The following MIPOL1 variants were observed in gnomAD, a reference collection of about 807,000 sequenced individuals.
MIPOL1 encodes mirror-image polydactyly gene 1 protein.
Under a neutral mutation model 60.9 loss-of-function variants are expected in MIPOL1, and 57 were observed. The ratio of observed to expected loss-of-function variants is 0.94; its 90% CI spans 0.76 to 1.17. MIPOL1 has a LOEUF of 1.17. MIPOL1 is among the 50% of genes most tolerant of loss of function. The pLI is 0.00. For missense variants in MIPOL1, 551 were observed against 511.6 expected (o/e 1.08, Z -0.74); for synonymous variants, 179 against 168.8 (o/e 1.06, Z -0.47).
At chr14:37,451,485 T>A (rs2153575003) in intron 11 of MIPOL1, among the ~76,000 whole-genome samples, 1 of 152,308 alleles carries the variant, frequency 6.6e-6, no homozygotes, top group African/African-American at 2.4e-5. Context: ...TTCATATTCT[T>A]ATTATGGACA....
At chr14:37,451,968 T>C (rs1010362025) in intron 11 of MIPOL1, among the ~76,000 whole-genome samples, 12 of 150,528 alleles carry the variant, frequency 8.0e-5, no homozygotes, top group South Asian at 2.1e-4. Flanking sequence ...GCGCCCGCCA[T>C]CACGCCCGGC....
intron 12 of MIPOL1, among the ~76,000 whole-genome samples, chr14:37,535,331 A>G (rs1297096599): frequency 6.6e-6 from 1 of 152,192 alleles, no homozygotes; most frequent in Non-Finnish European, 1.5e-5. Flanking sequence ...GAATATACAC[A>G]TATCAAGTTT....
chr14:37,266,009 G>C lies in MIPOL1; in HGVS notation c.20-929G>C, dbSNP rs188755074. The stretch of plus-strand genomic sequence containing the variant: ...ACATTTATAATTAAATTTTAGAATG[G>C]AAGTCTGGAGTGTGTCAGAAATTGA... On this transcript the variant is annotated intron_variant, in intron 3 of 12. Transcript: ENST00000684589. 3.0e-3 allele frequency among the ~76,000 whole-genome samples: 462 copies of C among 152,224 alleles called. 2 individuals are homozygous for C. The Middle Eastern group carries it at 0.048, about 16-fold the overall frequency.
At chr14:37,445,730 G>C (rs2153570172) in intron 11 of MIPOL1, among the ~76,000 whole-genome samples, 1 of 151,786 alleles carries the variant, frequency 6.6e-6, no homozygotes, top group South Asian at 2.1e-4. Context: ...CAGAGATATA[G>C]ATCAATGGAA....
chr14:37,474,130 G>A (rs2094730361), intron 11 of MIPOL1, among the ~76,000 whole-genome samples: 1 of 152,016 alleles, frequency 6.6e-6, no homozygotes, highest in African/African-American at 2.4e-5. Context: ...ATATTCCATT[G>A]TACAGACACA....
intron 9 of MIPOL1, among the ~76,000 whole-genome samples, chr14:37,336,405 T>A (rs2090122599): frequency 1.3e-5 from 2 of 149,620 alleles, no homozygotes; most frequent in Non-Finnish European, 3.0e-5. Flanking sequence ...ATTATTATTA[T>A]ATAATGCCCT....
At chr14:37,261,177 A>G (rs914864687) in intron 3 of MIPOL1, among the ~76,000 whole-genome samples, 1 of 151,962 alleles carries the variant, frequency 6.6e-6, no homozygotes. Context: ...TTCTCATTGA[A>G]TTAGGTGGCA....
At chr14:37,198,656 A>T (rs576152053) in intron 1 of MIPOL1, among the ~76,000 whole-genome samples, 1 of 151,862 alleles carries the variant, frequency 6.6e-6, no homozygotes, top group Non-Finnish European at 1.5e-5. Flanking sequence ...AGCTCTATGG[A>T]TGGAGGGAAC....
At chr14:37,515,280 C>G (rs2095360606) in intron 12 of MIPOL1, among the ~76,000 whole-genome samples, 1 of 148,992 alleles carries the variant, frequency 6.7e-6, no homozygotes, top group Non-Finnish European at 1.5e-5. Flanking sequence ...CACTTCTTAA[C>G]CTAAATATAA....
chr14:37,454,152 A>G (rs1327654458), intron 11 of MIPOL1, among the ~76,000 whole-genome samples: 3 of 152,164 alleles, frequency 2.0e-5, no homozygotes, highest in Admixed American at 2.0e-4. Flanking sequence ...ATATCTGCTG[A>G]TTCATGGAGT....
chr14:37,320,905 G>A (rs1012720806), intron 9 of MIPOL1, among the ~76,000 whole-genome samples: 2 of 152,012 alleles, frequency 1.3e-5, no homozygotes, highest in African/African-American at 4.8e-5. Flanking sequence ...AATGACTTAG[G>A]TTATTGTGTG....
At chr14:37,257,555 C>T (rs1221499415) in intron 3 of MIPOL1, among the ~76,000 whole-genome samples, 1 of 152,082 alleles carries the variant, frequency 6.6e-6, no homozygotes, top group East Asian at 1.9e-4. Context: ...CTGCCAAAGG[C>T]AGGTTTCATT....
At chr14:37,419,345 GA>G (rs1284741553) in intron 10 of MIPOL1, among the ~76,000 whole-genome samples, 10 of 152,304 alleles carry the variant, frequency 6.6e-5, no homozygotes, top group African/African-American at 1.4e-4. Flanking sequence ...GGCTGAGTGT[GA>G]AAAGAAGGCA....
chr14:37,520,261 G>C (rs1173405688), intron 12 of MIPOL1, among the ~76,000 whole-genome samples: 1 of 152,068 alleles, frequency 6.6e-6, no homozygotes, highest in Non-Finnish European at 1.5e-5. Flanking sequence ...ACTTGAGTAA[G>C]GTTGATTTGT....
At chr14:37,409,512 G>A (rs1356164778) in intron 10 of MIPOL1, among the ~76,000 whole-genome samples, 1 of 152,184 alleles carries the variant, frequency 6.6e-6, no homozygotes, top group Non-Finnish European at 1.5e-5. Context: ...TTGTGGCTGG[G>A]CGCAGTGGCT....
At position 37,393,404 on chromosome 14, in the gene MIPOL1, T is replaced by TTGTGTGTGTG. The variant is rs66937049; in HGVS notation, c.936+23793_936+23802dup. Among the ~76,000 whole-genome samples, 219 of 117,994 alleles carry TTGTGTGTGTG rather than the reference T, an allele frequency of 1.9e-3. 1 individual carries two copies. The highest frequency in any genetic ancestry group is 6.6e-3 in the African/African-American group (202 of 30,714). The allele number at this position is 117,994 out of a possible 152,430, so 77.4% of individuals were successfully genotyped here. On this transcript the variant is annotated intron_variant, in intron 10 of 12. Transcript: ENST00000684589. ...GGTTTTGTTTTGTTTTGTTTTGTTT[T>TTGTGTGTGTG]TGTGTGTGTGTGTGTGTGTGTGGCG... is the stretch of plus-strand genomic sequence containing the variant.
rs2095559872 is a variant in MIPOL1 at position 37,550,733 on chromosome 14, TA to T, written c.*3767del. ...GATGTGGTTTGTTTTGGCACTGTTT[TA>T]AAAACTCAAATATTTTAAACATTTG... is the stretch of plus-strand genomic sequence containing the variant. On this transcript the variant is annotated 3_prime_UTR_variant, in exon 13 of 13. Coordinates refer to ENST00000684589, the MANE Select transcript of MIPOL1 (RefSeq NM_001388067.1). 1.3e-5 allele frequency: 2 copies of T among 152,498 alleles called. No homozygotes were observed. Among genetic ancestry groups the T allele is most frequent in the Non-Finnish European group, 2.9e-5 (2 of 67,964 alleles). 9.4% of individuals were successfully genotyped at this position (152,498 alleles called of 1,614,324 possible).
intron 6 of MIPOL1, among the ~76,000 whole-genome samples, chr14:37,271,836 T>A (rs1024852522): frequency 6.6e-6 from 1 of 151,744 alleles, no homozygotes; most frequent in Non-Finnish European, 1.5e-5. Flanking sequence ...CTTACAGAAA[T>A]AATTTAATAA....
chr14:37,469,314 A>AAG (rs371136688), intron 11 of MIPOL1, among the ~76,000 whole-genome samples: 1 of 151,290 alleles, frequency 6.6e-6, no homozygotes, highest in Admixed American at 6.6e-5. Context: ...GAGCAGGAGG[A>AAG]AGAGAGAGAG....
Sources: gnomAD v4.1 joint callset for allele counts (sites outside exome capture counted in the v4.1 genomes callset) on GRCh38, gnomAD v4.1.1 for gene constraint, MANE v1.5 for transcripts, NCBI Gene and HGNC (gene_info 2026-07-23, HGNC 2026-07-21) for gene names.